The following EYS variants were observed in gnomAD, a reference collection of about 807,000 sequenced individuals.
EYS encodes the protein EGF-like photoreceptor maintenance factor.
EYS carries 250 observed loss-of-function variants against 282.1 expected under a neutral mutation model. That is an observed-to-expected ratio of 0.89 (90% CI 0.80 to 0.98). EYS has a LOEUF of 0.98. EYS is among the 50% of genes least tolerant of loss of function. EYS has a pLI of 0.00. For synonymous variants in EYS, 1,355 were observed against 1,282.9 expected (o/e 1.06, Z -1.20); for missense variants, 4,016 against 3,709.0 (o/e 1.08, Z -2.15).
At chr6:64,962,220 A>G (rs1562277644) in intron 14 of EYS, among the ~76,000 whole-genome samples, 1 of 152,020 alleles carries the variant, frequency 6.6e-6, no homozygotes, top group Non-Finnish European at 1.5e-5. Flanking sequence ...CATAAACACC[A>G]TCATAAGGGG....
chr6:64,892,299 A>G (rs1200588598), intron 18 of EYS, among the ~76,000 whole-genome samples: 1 of 151,920 alleles, frequency 6.6e-6, no homozygotes, highest in Non-Finnish European at 1.5e-5. Context: ...AAATATAATT[A>G]TTAAATAGAT....
intron 22 of EYS, among the ~76,000 whole-genome samples, chr6:64,686,916 C>CGTGT (rs1562134208): frequency 1.7e-5 from 2 of 115,576 alleles, no homozygotes; most frequent in African/African-American, 3.2e-5. Context: ...TATATACACA[C>CGTGT]ATATATATAC....
chr6:65,245,393 A>C (rs1363876621), intron 12 of EYS, among the ~76,000 whole-genome samples: 1 of 152,182 alleles, frequency 6.6e-6, no homozygotes, highest in Non-Finnish European at 1.5e-5. Flanking sequence ...ACTAAGATGG[A>C]TAATTGCAAT....
chr6:64,525,113 T>C lies in EYS; in HGVS notation c.5644+65110A>G, dbSNP rs564460130. ...AGTTCAACTATTGTGGAAAGCAGTA[T>C]GGCAATTCCTCAAAGAGCTAAAAGC... is the stretch of plus-strand genomic sequence containing the variant. On this transcript the variant is annotated intron_variant, in intron 26 of 42. Coordinates refer to ENST00000503581, the MANE Select transcript of EYS (RefSeq NM_001142800.2). Among the ~76,000 whole-genome samples the C allele has an allele frequency of 6.6e-5, 10 of 151,946 alleles. No homozygotes were observed. The South Asian group carries it at 1.0e-3, about 16-fold the overall frequency.
Position 64,835,020 on chromosome 6 carries a change from G to T in EYS, c.2993-12198C>A, listed in dbSNP as rs977324291. ...CAATGTGTGTTATGCAGAAATAAAAGGAGTTTAAAGATGTAAAGTTATAGT... is the reference window on the plus strand; with the variant it reads ...CAATGTGTGTTATGCAGAAATAAAATGAGTTTAAAGATGTAAAGTTATAGT... On this transcript the variant is annotated intron_variant, in intron 19 of 42. Coordinates refer to ENST00000503581, the MANE Select transcript of EYS (RefSeq NM_001142800.2). Among the ~76,000 whole-genome samples the T allele has an allele frequency of 4.0e-5, 6 of 151,584 alleles. No homozygotes were observed. The East Asian group carries it at 1.2e-3, about 29-fold the overall frequency.
intron 26 of EYS, among the ~76,000 whole-genome samples, chr6:64,510,278 G>T (rs552700734): frequency 6.6e-6 from 1 of 152,102 alleles, no homozygotes; most frequent in East Asian, 1.9e-4. Context: ...ACTTTATCAT[G>T]AATATTTATG....
Position 63,907,478 on chromosome 6 carries a change from T to C in EYS, c.7056-43120A>G, listed in dbSNP as rs146315975. Among the ~76,000 whole-genome samples the C allele has an allele frequency of 6.2e-3, 939 of 152,220 alleles. 14 individuals are homozygous for C. The highest frequency in any genetic ancestry group is 0.022 in the African/African-American group (910 of 41,520). On this transcript the variant is annotated intron_variant, in intron 35 of 42. Coordinates refer to ENST00000503581, the MANE Select transcript of EYS (RefSeq NM_001142800.2). Reference sequence around the variant, plus strand: ...CTTTTCCTCTTTCTAACCCTCAAGATCTCCTAAGCCAGTTTCTGATTTTAG... The same window carrying C: ...CTTTTCCTCTTTCTAACCCTCAAGACCTCCTAAGCCAGTTTCTGATTTTAG...
At chr6:65,224,919 G>A (rs1766581136) in intron 12 of EYS, among the ~76,000 whole-genome samples, 1 of 152,078 alleles carries the variant, frequency 6.6e-6, no homozygotes, top group South Asian at 2.1e-4. Context: ...TGAATTCGTA[G>A]TCAAAACCTC....
At chr6:64,355,985 T>C (rs1294262356) in intron 29 of EYS, among the ~76,000 whole-genome samples, 3 of 151,640 alleles carry the variant, frequency 2.0e-5, no homozygotes, top group African/African-American at 4.8e-5. Context: ...TCTCATTTAC[T>C]CCTGACCACA....
At chr6:64,408,329 A>T (rs990434300) in intron 28 of EYS, among the ~76,000 whole-genome samples, 2 of 152,286 alleles carry the variant, frequency 1.3e-5, no homozygotes, top group African/African-American at 4.8e-5. Context: ...AGAAAGAAAA[A>T]CATTAAGTCA....
intron 5 of EYS, among the ~76,000 whole-genome samples, chr6:65,421,051 G>A (rs984245435): frequency 6.6e-6 from 1 of 151,758 alleles, no homozygotes; most frequent in Non-Finnish European, 1.5e-5. Context: ...ATGAGCATTG[G>A]CTTCAACTAA....
intron 29 of EYS, among the ~76,000 whole-genome samples, chr6:64,378,275 C>A (rs767251934): frequency 6.6e-6 from 1 of 152,094 alleles, no homozygotes; most frequent in Admixed American, 6.5e-5. Context: ...TAAATACCAG[C>A]AGGCTGAATA....
chr6:64,284,071 T>C (rs1017014490), intron 30 of EYS, among the ~76,000 whole-genome samples: 1 of 152,062 alleles, frequency 6.6e-6, no homozygotes, highest in African/African-American at 2.4e-5. Context: ...AATCATGCCT[T>C]CCCAACAGTC....
intron 31 of EYS, among the ~76,000 whole-genome samples, chr6:64,135,751 G>T (rs1024984159): frequency 1.3e-5 from 2 of 152,072 alleles, no homozygotes; most frequent in Non-Finnish European, 2.9e-5. Context: ...TCTAAAAACA[G>T]CATATATGCC....
intron 7 of EYS, 37 bp downstream of exon 7, chr6:65,402,441 T>A: frequency 1.5e-6 from 2 of 1,343,914 alleles, no homozygotes; most frequent in Non-Finnish European, 2.1e-6. Flanking sequence ...AAAATCCATG[T>A]ACTTTGTATT....
At chr6:64,386,233 A>G (rs932807142) in intron 29 of EYS, among the ~76,000 whole-genome samples, 5 of 152,192 alleles carry the variant, frequency 3.3e-5, no homozygotes, top group African/African-American at 1.2e-4. Context: ...ATTTCTGCCC[A>G]AAAGCAACTG....
intron 29 of EYS, among the ~76,000 whole-genome samples, chr6:64,353,316 T>G (rs1337145601): frequency 6.6e-6 from 1 of 151,542 alleles, no homozygotes; most frequent in Non-Finnish European, 1.5e-5. Context: ...TATACCTCAT[T>G]TGAGTCCTGT....
At chr6:64,934,250 G>T (rs893374048) in intron 15 of EYS, among the ~76,000 whole-genome samples, 2 of 151,846 alleles carry the variant, frequency 1.3e-5, no homozygotes. Flanking sequence ...TAAGATAATT[G>T]TGTCTGAGGA....
intron 31 of EYS, among the ~76,000 whole-genome samples, chr6:64,127,981 TTTAA>T (rs1174769920): frequency 2.6e-5 from 4 of 152,142 alleles, no homozygotes; most frequent in African/African-American, 9.6e-5. Context: ...AACAAATATA[TTTAA>T]TCATGAAAAT....
Sources: allele counts gnomAD v4.1 joint callset (sites outside exome capture counted in the v4.1 genomes callset), GRCh38; gene constraint gnomAD v4.1.1; transcripts MANE v1.5; gene names NCBI Gene and HGNC (gene_info 2026-07-23, HGNC 2026-07-21).